CHST11: variants seen among roughly 807,000 people sequenced by gnomAD.
CHST11 encodes C4S-1.
A neutral mutation model predicts 30.4 loss-of-function variants in CHST11; 9 were observed. The ratio of observed to expected loss-of-function variants is 0.30; its 90% CI spans 0.18 to 0.52. CHST11 has a LOEUF of 0.52. CHST11 is among the 20% of genes least tolerant of loss of function. The pLI, the probability that CHST11 is intolerant of heterozygous loss-of-function variation, is 0.97. For synonymous variants in CHST11, 152 were observed against 187.8 expected (o/e 0.81, Z 1.56); for missense variants, 348 against 460.6 (o/e 0.76, Z 2.24).
At chr12:104,515,668 A>G (rs1018048298) in intron 1 of CHST11, among the ~76,000 whole-genome samples, 2 of 152,112 alleles carry the variant, frequency 1.3e-5, no homozygotes, top group African/African-American at 2.4e-5. Flanking sequence ...ATAATACACA[A>G]ATAAAAACTC....
At chr12:104,654,363 G>A (rs189030198) in intron 2 of CHST11, among the ~76,000 whole-genome samples, 1 of 152,188 alleles carries the variant, frequency 6.6e-6, no homozygotes, top group African/African-American at 2.4e-5. Flanking sequence ...AGGGCTGAGA[G>A]CGTGAGAAGC....
intron 1 of CHST11, among the ~76,000 whole-genome samples, chr12:104,478,493 C>T (rs891962646): frequency 1.3e-5 from 2 of 152,160 alleles, no homozygotes; most frequent in African/African-American, 4.8e-5. Context: ...TACACCCTGA[C>T]TTCCCAGCAG....
At chr12:104,721,391 G>T (rs1487301716) in intron 2 of CHST11, among the ~76,000 whole-genome samples, 1 of 152,234 alleles carries the variant, frequency 6.6e-6, no homozygotes, top group Non-Finnish European at 1.5e-5. Flanking sequence ...GGGCCCCACT[G>T]GCTCACTGTC....
chr12:104,727,584 A>C (rs2040226048), intron 2 of CHST11, among the ~76,000 whole-genome samples: 1 of 152,164 alleles, frequency 6.6e-6, no homozygotes, highest in Admixed American at 6.5e-5. Flanking sequence ...CCAGTCCACC[A>C]CCCAGCACAT....
chr12:104,591,337 G>A (rs1299955778), intron 1 of CHST11, among the ~76,000 whole-genome samples: 1 of 152,028 alleles, frequency 6.6e-6, no homozygotes, highest in Non-Finnish European at 1.5e-5. Flanking sequence ...GAGTAGGGAG[G>A]CCAGGGTGGC....
At chr12:104,752,651 C>A (rs2040443067) in intron 2 of CHST11, among the ~76,000 whole-genome samples, 1 of 152,178 alleles carries the variant, frequency 6.6e-6, no homozygotes, top group Non-Finnish European at 1.5e-5. Flanking sequence ...CCTCAGCCTC[C>A]CGAGTAGCTG....
chr12:104,715,873 G>A (rs566541491), intron 2 of CHST11, among the ~76,000 whole-genome samples: 6 of 152,286 alleles, frequency 3.9e-5, no homozygotes, highest in Admixed American at 1.3e-4. Flanking sequence ...CCTTTCTCTC[G>A]TTGAGAGAGC....
At chr12:104,535,268 G>A (rs1164538444) in intron 1 of CHST11, among the ~76,000 whole-genome samples, 1 of 152,234 alleles carries the variant, frequency 6.6e-6, no homozygotes, top group Admixed American at 6.5e-5. Flanking sequence ...GGAAGGAATG[G>A]GAATGGTAGG....
At chr12:104,636,129 A>T (rs943042724) in intron 2 of CHST11, among the ~76,000 whole-genome samples, 13 of 152,182 alleles carry the variant, frequency 8.5e-5, no homozygotes, top group Admixed American at 2.6e-4. Context: ...TCAGTGGCTG[A>T]TCCAGGTTAC....
rs530408306 is a variant in CHST11 at position 104,709,792 on chromosome 12, T to A, written c.205-47157T>A. Among the ~76,000 whole-genome samples, 37 of 152,162 alleles carry A rather than the reference T, an allele frequency of 2.4e-4. 1 individual carries two copies. The highest frequency in any genetic ancestry group is 3.8e-4 in the Non-Finnish European group (26 of 67,984). ...GACAGAGGGTAACAGCGAAAGTGGG[T>A]GGTGGGTACAAGGTTTCTTTTTGAA... On this transcript the variant is annotated intron_variant, in intron 2 of 2. Coordinates refer to ENST00000303694, the MANE Select transcript of CHST11 (RefSeq NM_018413.6).
At chr12:104,681,986 A>G (rs1488859458) in intron 2 of CHST11, among the ~76,000 whole-genome samples, 4 of 150,966 alleles carry the variant, frequency 2.6e-5, no homozygotes, top group Non-Finnish European at 5.9e-5. Context: ...ACCCGCCACC[A>G]CACCCGGCTA....
intron 2 of CHST11, among the ~76,000 whole-genome samples, chr12:104,745,866 G>A (rs973045124): frequency 6.6e-6 from 1 of 152,064 alleles, no homozygotes; most frequent in African/African-American, 2.4e-5. Context: ...TCTAGATGTA[G>A]GATCATCTCA....
At position 104,757,655 on chromosome 12, in the gene CHST11, A is replaced by G; in HGVS notation, c.911A>G (p.Tyr304Cys). 2 of 1,614,182 alleles carry G rather than the reference A, an allele frequency of 1.2e-6. No individual in the cohort carries two copies. The highest frequency in any genetic ancestry group is 1.7e-6 in the Non-Finnish European group (2 of 1,180,036). ...GGCAGCTACCTGAAGTTCCCCACCTATGCAAAGTCTACGAGAACTACTGAT... is the reference window on the plus strand; with the variant it reads ...GGCAGCTACCTGAAGTTCCCCACCTGTGCAAAGTCTACGAGAACTACTGAT... ...GVGSYLKFPT[Y>C]AKSTRTTDEM... Residue 304 changes from tyrosine to cysteine, a missense_variant, in exon 3 of 3, where the codon TAT (tyrosine) becomes TGT (cysteine). Tyr to Cys is a radical substitution (Grantham distance 194). This residue lies in a region of CHST11 where 210 missense variants were observed against 287.2 expected (regional missense o/e 0.73). Coordinates refer to ENST00000303694, the MANE Select transcript of CHST11 (RefSeq NM_018413.6). The surrounding 1 kb of genome is among the most constrained non-coding windows in gnomAD (Gnocchi z 6.5).
chr12:104,495,008 C>T (rs1325546990), intron 1 of CHST11, among the ~76,000 whole-genome samples: 10 of 152,090 alleles, frequency 6.6e-5, no homozygotes, highest in Non-Finnish European at 1.5e-4. Context: ...CAGTAACCAC[C>T]GTTCTACTTT....
At chr12:104,626,753 A>G (rs7133111) in intron 2 of CHST11, among the ~76,000 whole-genome samples, 93,693 of 150,868 alleles carry the variant, frequency 0.62, 29,264 homozygotes, top group East Asian at 0.86. Flanking sequence ...AAGGCACAGA[A>G]AATTCCCAGA....
In CHST11 at chr12:104,701,602, C is replaced by T. The variant is rs192578449; in HGVS notation, c.205-55347C>T. ...AAAGACACAGTTGTTCAGGAATGTT[C>T]GGCATTGAGCAGACTAGCAGGATCC... is the stretch of plus-strand genomic sequence containing the variant. On this transcript the variant is annotated intron_variant, in intron 2 of 2. Transcript: ENST00000303694. Among the ~76,000 whole-genome samples the T allele has an allele frequency of 1.1e-4, 16 of 152,224 alleles. No individual in the cohort carries two copies. The East Asian group carries it at 2.7e-3, about 26-fold the overall frequency.
At chr12:104,680,950 C>T (rs888008878) in intron 2 of CHST11, among the ~76,000 whole-genome samples, 15 of 152,228 alleles carry the variant, frequency 9.9e-5, no homozygotes, top group African/African-American at 3.6e-4. Context: ...GGACAAGTCT[C>T]TTAAAGTCTC....
chr12:104,574,640 A>G (rs1389619317), intron 1 of CHST11, among the ~76,000 whole-genome samples: 3 of 151,484 alleles, frequency 2.0e-5, no homozygotes, highest in Non-Finnish European at 2.9e-5. Flanking sequence ...GTTCTCACTC[A>G]TAGGTGGGAA....
intron 2 of CHST11, among the ~76,000 whole-genome samples, chr12:104,719,351 C>T (rs1350711119): frequency 6.6e-6 from 1 of 152,208 alleles, no homozygotes; most frequent in Non-Finnish European, 1.5e-5. Flanking sequence ...AGTAGGAAAT[C>T]ATGTTCTTTC....
Sources: allele counts gnomAD v4.1 joint callset (sites outside exome capture counted in the v4.1 genomes callset), GRCh38; gene constraint gnomAD v4.1.1; regional missense constraint gnomAD v4.1.1; non-coding constraint Gnocchi (gnomAD v3.1); transcripts MANE v1.5; gene names NCBI Gene and HGNC (gene_info 2026-07-23, HGNC 2026-07-21).